The following RAB39A variants were observed in gnomAD, a reference collection of about 807,000 sequenced individuals.
RAB39A encodes the protein RAB39A, member RAS oncogene family, also known as ras-related protein Rab-39A.
Under a neutral mutation model 20.9 loss-of-function variants are expected in RAB39A, and 17 were observed. The ratio of observed to expected loss-of-function variants is 0.81; its 90% CI spans 0.56 to 1.22. The LOEUF (loss-of-function observed/expected upper bound fraction) is 1.22, where lower values mean the gene tolerates loss of function less well. RAB39A is among the 50% of genes most tolerant of loss of function. The pLI is 0.00. For missense variants in RAB39A, 234 were observed against 270.5 expected (o/e 0.87, Z 0.95); for synonymous variants, 99 against 103.4 (o/e 0.96, Z 0.26).
intron 1 of RAB39A, among the ~76,000 whole-genome samples, chr11:107,932,643 A>C (rs2134947382): frequency 6.6e-6 from 1 of 152,344 alleles, no homozygotes; most frequent in Non-Finnish European, 1.5e-5. Flanking sequence ...TTATGTGCCT[A>C]GGATGTAGGA....
intron 1 of RAB39A, among the ~76,000 whole-genome samples, chr11:107,949,512 G>C (rs564522177): frequency 6.6e-6 from 1 of 152,174 alleles, no homozygotes; most frequent in East Asian, 1.9e-4. Context: ...AGAAATGGTG[G>C]GAGAATTATA....
chr11:107,942,792 G>T (rs1861272835), intron 1 of RAB39A, among the ~76,000 whole-genome samples: 2 of 150,360 alleles, frequency 1.3e-5, no homozygotes, highest in South Asian at 2.1e-4. Flanking sequence ...TGTTGTATGG[G>T]GTGTGTGTGT....
chr11:107,940,998 A>G lies in RAB39A; in HGVS notation c.227+12203A>G, dbSNP rs1312032496. Among the ~76,000 whole-genome samples, 3 of 152,146 alleles carry G rather than the reference A, an allele frequency of 2.0e-5. No homozygotes were observed. The East Asian group carries it at 5.8e-4, about 29-fold the overall frequency. On this transcript the variant is annotated intron_variant, in intron 1 of 1. Coordinates refer to ENST00000320578, the MANE Select transcript of RAB39A (RefSeq NM_017516.3). ...GAAAAAAAAAAATCCACTTCACACAATCTACCTGTCCTATTATAAGTTAGG... is the reference window on the plus strand; with the variant it reads ...GAAAAAAAAAAATCCACTTCACACAGTCTACCTGTCCTATTATAAGTTAGG...
intron 1 of RAB39A, among the ~76,000 whole-genome samples, chr11:107,940,271 ATTATTT>A (rs1430546285): frequency 1.3e-5 from 2 of 151,092 alleles, no homozygotes; most frequent in South Asian, 2.1e-4. Flanking sequence ...TATTATTATT[ATTATTT>A]TTTTTTTAGA....
intron 1 of RAB39A, 66 bp from the exon 2 acceptor site, chr11:107,961,880 A>C: frequency 8.1e-7 from 1 of 1,233,476 alleles, no homozygotes; most frequent in Non-Finnish European, 1.1e-6. Context: ...ATGGTGCTAG[A>C]TTGTTGGAAG....
rs1861501231 is a variant in RAB39A at position 107,962,004 on chromosome 11, A to G, written c.286A>G (p.Thr96Ala). 1 of 1,613,826 alleles carries G rather than the reference A, an allele frequency of 6.2e-7. No homozygotes were observed. Among genetic ancestry groups the G allele is most frequent in the Non-Finnish European group, 8.5e-7 (1 of 1,179,888 alleles). The change falls in exon 2 of 2, where the codon ACT (threonine) becomes GCT (alanine). Residue 96 changes from threonine (T) to alanine (A), a missense_variant. By Grantham distance (58) the Thr-to-Ala change is moderately conservative. Coordinates refer to ENST00000320578, the MANE Select transcript of RAB39A (RefSeq NM_017516.3). Reference sequence around the variant, plus strand: ...TGGTGGATTTTTAGTATTTGACATTACTAACCGACGATCTTTTGAACATGT... The same window carrying G: ...TGGTGGATTTTTAGTATTTGACATTGCTAACCGACGATCTTTTGAACATGT... ...SVGGFLVFDI[T>A]NRRSFEHVKD... is the part of the protein sequence containing the mutation.
chr11:107,959,553 C>G (rs192473432), intron 1 of RAB39A, among the ~76,000 whole-genome samples: 1 of 152,208 alleles, frequency 6.6e-6, no homozygotes, highest in East Asian at 1.9e-4. Context: ...CTCAATTTCT[C>G]TATAATACTA....
intron 1 of RAB39A, among the ~76,000 whole-genome samples, chr11:107,954,057 G>A (rs751438107): frequency 1.2e-4 from 18 of 152,164 alleles, no homozygotes; most frequent in Admixed American, 3.9e-4. Context: ...TTCATGGATG[G>A]TGGTACTAGC....
At chr11:107,930,964 G>T (rs1440490929) in intron 1 of RAB39A, among the ~76,000 whole-genome samples, 1 of 151,542 alleles carries the variant, frequency 6.6e-6, no homozygotes, top group African/African-American at 2.4e-5. Context: ...TGATAGAGAT[G>T]ATTGTTTTTT....
intron 1 of RAB39A, among the ~76,000 whole-genome samples, chr11:107,960,233 A>G (rs1439353056): frequency 6.6e-6 from 1 of 151,868 alleles, no homozygotes; most frequent in Non-Finnish European, 1.5e-5. Flanking sequence ...AAAATCCAAT[A>G]TAACAAACAT....
chr11:107,939,045 C>T (rs573016514), intron 1 of RAB39A, among the ~76,000 whole-genome samples: 14 of 150,272 alleles, frequency 9.3e-5, no homozygotes, highest in African/African-American at 3.4e-4. Flanking sequence ...AGTTCAAGAC[C>T]AGTGTGGCCA....
intron 1 of RAB39A, among the ~76,000 whole-genome samples, chr11:107,930,540 T>C (rs1861125407): frequency 6.6e-6 from 1 of 152,174 alleles, no homozygotes; most frequent in African/African-American, 2.4e-5. Flanking sequence ...TAAAATCTTA[T>C]TGTGTTTAAT....
chr11:107,937,617 G>T (rs1861208979), intron 1 of RAB39A, among the ~76,000 whole-genome samples: 1 of 151,378 alleles, frequency 6.6e-6, no homozygotes, highest in African/African-American at 2.4e-5. Context: ...CTCACTGCAA[G>T]CTCCGCCTCC....
chr11:107,940,089 T>C (rs1014080077), intron 1 of RAB39A, among the ~76,000 whole-genome samples: 16 of 152,028 alleles, frequency 1.1e-4, no homozygotes, highest in African/African-American at 3.9e-4. Flanking sequence ...TTTTAATATA[T>C]AAAGAACCAG....
chr11:107,942,144 T>G (rs1861266695), intron 1 of RAB39A, among the ~76,000 whole-genome samples: 1 of 139,502 alleles, frequency 7.2e-6, no homozygotes. Context: ...ATAGAACAGA[T>G]GGGTAGATCC....
intron 1 of RAB39A, among the ~76,000 whole-genome samples, chr11:107,929,726 A>G (rs1248851388): frequency 6.6e-6 from 1 of 152,186 alleles, no homozygotes; most frequent in African/African-American, 2.4e-5. Flanking sequence ...TGTGTAAATA[A>G]AAAGTAAATG....
intron 1 of RAB39A, among the ~76,000 whole-genome samples, chr11:107,946,436 GTATATATA>G (rs1565464268): frequency 1.1e-3 from 33 of 30,478 alleles, no homozygotes; most frequent in African/African-American, 3.7e-3. Flanking sequence ...GTGTGTGTGT[GTATATATA>G]TATATATATA....
In RAB39A at chr11:107,948,378, A is replaced by G. The variant is rs1351889834; in HGVS notation, c.228-13568A>G. 2.6e-5 allele frequency among the ~76,000 whole-genome samples: 4 copies of G among 152,082 alleles called. No homozygotes were observed. The East Asian group carries it at 5.8e-4, about 22-fold the overall frequency. On this transcript the variant is annotated intron_variant, in intron 1 of 1. Coordinates refer to ENST00000320578, the MANE Select transcript of RAB39A (RefSeq NM_017516.3). ...TTTTTTCTTGACACATGGGAGGATT[A>G]TATTTCCCTTCCCTATTGCACTTAG...
chr11:107,962,265 G>A lies in RAB39A; in HGVS notation c.547G>A (p.Glu183Lys), dbSNP rs766438012. Reference protein sequence around the residue: ...RDIYELIKKGEICIQDGWEGV... With the variant: ...RDIYELIKKGKICIQDGWEGV... ...CATATATGAACTTATTAAAAAGGGA[G>A]AAATTTGTATTCAGGATGGCTGGGA... is the stretch of plus-strand genomic sequence containing the variant. Residue 183 changes from glutamate to lysine, a missense_variant, in exon 2 of 2, where the codon GAA becomes AAA. By Grantham distance (56) the Glu-to-Lys change is moderately conservative (BLOSUM62 1). Transcript: ENST00000320578. The A allele has an allele frequency of 6.2e-7, 1 of 1,613,876 alleles. No homozygotes were observed. The highest frequency in any genetic ancestry group is 8.5e-7 in the Non-Finnish European group (1 of 1,179,954).
Sources: allele counts gnomAD v4.1 joint callset (sites outside exome capture counted in the v4.1 genomes callset), GRCh38; gene constraint gnomAD v4.1.1; transcripts MANE v1.5; gene names NCBI Gene and HGNC (gene_info 2026-07-23, HGNC 2026-07-21).